Variants in FHIT observed in about 807,000 individuals in gnomAD.
FHIT encodes fragile histidine triad diadenosine triphosphatase, also known as bis(5'-adenosyl)-triphosphatase.
In FHIT, 19 loss-of-function variants were observed where a neutral mutation model predicts 17.9. The ratio of observed to expected loss-of-function variants is 1.06; its 90% confidence interval spans 0.74 to 1.56. The LOEUF is 1.56. FHIT is among the 40% of genes most tolerant of loss of function. The probability of loss-of-function intolerance (pLI) is 0.00; values close to 1 mark genes in which losing one functional copy is unlikely to be tolerated. For synonymous variants in FHIT, 81 were observed against 69.7 expected (o/e 1.16, Z -0.81); for missense variants, 248 against 189.2 (o/e 1.31, Z -1.82).
chr3:60,249,869 C>T (rs759860622), intron 5 of FHIT, among the ~76,000 whole-genome samples: 4 of 151,998 alleles, frequency 2.6e-5, no homozygotes, highest in African/African-American at 7.3e-5. Flanking sequence ...CACACGCATG[C>T]CAGGTGAATC....
At chr3:61,216,866 T>C (rs1333667540) in intron 1 of FHIT, among the ~76,000 whole-genome samples, 3 of 151,872 alleles carry the variant, frequency 2.0e-5, no homozygotes, top group African/African-American at 7.3e-5. Flanking sequence ...AAATTGGAAA[T>C]CATCATTCTC....
intron 8 of FHIT, among the ~76,000 whole-genome samples, chr3:59,893,947 T>TAACAATGTCTGGAGG (rs139115605): frequency 0.1 from 15,607 of 152,176 alleles, 1,147 homozygotes; most frequent in African/African-American, 0.21. Flanking sequence ...CATGGGAAAT[T>TAACAATGTCTGGAGG]AGCAGTTTGG....
At chr3:60,259,791 A>G (rs1706200620) in intron 5 of FHIT, among the ~76,000 whole-genome samples, 1 of 152,106 alleles carries the variant, frequency 6.6e-6, no homozygotes, top group South Asian at 2.1e-4. Flanking sequence ...GGTTTTCTAG[A>G]AAGGGTATCC....
At chr3:60,360,734 ATCT>A (rs1699873307) in intron 5 of FHIT, among the ~76,000 whole-genome samples, 1 of 152,184 alleles carries the variant, frequency 6.6e-6, no homozygotes, top group Non-Finnish European at 1.5e-5. Flanking sequence ...AATTCACAAC[ATCT>A]TCTCACAAGC....
intron 7 of FHIT, among the ~76,000 whole-genome samples, chr3:59,977,512 C>T (rs1559514494): frequency 2.0e-5 from 3 of 152,230 alleles, no homozygotes; most frequent in Admixed American, 1.3e-4. Context: ...GAGAAATAAA[C>T]GTATTTAAGT....
chr3:60,850,085 GC>G (rs1198253336), intron 3 of FHIT, among the ~76,000 whole-genome samples: 5 of 151,796 alleles, frequency 3.3e-5, no homozygotes, highest in Admixed American at 3.3e-4. Context: ...CCCCTCACAG[GC>G]CCCCATTCAG....
chr3:60,897,228 A>C (rs549237357), intron 3 of FHIT, among the ~76,000 whole-genome samples: 3 of 152,334 alleles, frequency 2.0e-5, no homozygotes, highest in Non-Finnish European at 4.4e-5. Flanking sequence ...TGCTGCACAT[A>C]TTATTATGAG....
chr3:60,707,594 C>G (rs549616803), intron 4 of FHIT, among the ~76,000 whole-genome samples: 3 of 152,258 alleles, frequency 2.0e-5, no homozygotes, highest in Non-Finnish European at 4.4e-5. Context: ...TCAATGCAGC[C>G]AAAAGTTCTG....
intron 3 of FHIT, among the ~76,000 whole-genome samples, chr3:60,895,665 C>CCTTCCTTCCTTCCTTT (rs1351920997): frequency 1.2e-4 from 13 of 107,016 alleles, no homozygotes; most frequent in African/African-American, 4.9e-4. Flanking sequence ...TTCCTTCCTT[C>CCTTCCTTCCTTCCTTT]CTTTCTTTCT....
At chr3:60,263,502 C>A (rs1214079834) in intron 5 of FHIT, among the ~76,000 whole-genome samples, 1 of 151,850 alleles carries the variant, frequency 6.6e-6, no homozygotes, top group Non-Finnish European at 1.5e-5. Context: ...TACTACTCAG[C>A]AATGAAAAGG....
chr3:60,127,730 A>G (rs1705621588), intron 5 of FHIT, among the ~76,000 whole-genome samples: 1 of 152,102 alleles, frequency 6.6e-6, no homozygotes, highest in Non-Finnish European at 1.5e-5. Flanking sequence ...CCTCCTGAGT[A>G]GCTAGCACTA....
At chr3:60,204,442 T>TG (rs199977808) in intron 5 of FHIT, among the ~76,000 whole-genome samples, 13,308 of 38,864 alleles carry the variant, frequency 0.34, 802 homozygotes, top group South Asian at 0.46. Context: ...GCTAATATTC[T>TG]GGTTTTTTTT....
intron 4 of FHIT, among the ~76,000 whole-genome samples, chr3:60,599,451 C>T (rs900238114): frequency 3.3e-5 from 5 of 152,018 alleles, no homozygotes; most frequent in Non-Finnish European, 4.4e-5. Context: ...ACTTTGAGTA[C>T]GGATCTAAAA....
intron 4 of FHIT, among the ~76,000 whole-genome samples, chr3:60,731,058 C>T (rs1230400328): frequency 6.6e-6 from 1 of 151,922 alleles, no homozygotes; most frequent in African/African-American, 2.4e-5. Flanking sequence ...TTGAACTTGG[C>T]AGGCGAAGGT....
chr3:60,370,495 G>A (rs745498099), intron 5 of FHIT, among the ~76,000 whole-genome samples: 17 of 152,156 alleles, frequency 1.1e-4, no homozygotes, highest in Non-Finnish European at 2.4e-4. Flanking sequence ...TATTCATCTA[G>A]ATATCCACCT....
chr3:60,636,594 G>T (rs936268708), intron 4 of FHIT, among the ~76,000 whole-genome samples: 12 of 152,134 alleles, frequency 7.9e-5, no homozygotes, highest in Admixed American at 6.5e-4. Context: ...AAAATTTTGT[G>T]TTATTCTTTT....
chr3:59,863,569 T>C (rs1345710796), intron 8 of FHIT, among the ~76,000 whole-genome samples: 3 of 152,332 alleles, frequency 2.0e-5, no homozygotes, highest in East Asian at 3.9e-4. Context: ...CCAGAGACCA[T>C]GCATGATTAT....
intron 3 of FHIT, among the ~76,000 whole-genome samples, chr3:60,955,882 T>A (rs1243237667): frequency 2.0e-5 from 3 of 152,026 alleles, no homozygotes; most frequent in Non-Finnish European, 4.4e-5. Flanking sequence ...ATTTTATAAA[T>A]ACAACATGTT....
chr3:60,224,333 C>G (rs953260607), intron 5 of FHIT, among the ~76,000 whole-genome samples: 52 of 151,954 alleles, frequency 3.4e-4, no homozygotes, highest in African/African-American at 1.1e-3. Flanking sequence ...AAAATGATGG[C>G]AAATAAAAGG....
Sources: gnomAD v4.1 joint callset for allele counts (sites outside exome capture counted in the v4.1 genomes callset) on GRCh38, gnomAD v4.1.1 for gene constraint, MANE v1.5 for transcripts, NCBI Gene and HGNC (gene_info 2026-07-23, HGNC 2026-07-21) for gene names.